PPFIA2: variants seen among roughly 807,000 people sequenced by gnomAD.
The protein encoded by PPFIA2 is liprin-alpha-2.
PPFIA2 carries 46 observed loss-of-function variants against 175.5 expected under a neutral mutation model. That is an observed-to-expected ratio of 0.26 (90% CI 0.21 to 0.34). The LOEUF is 0.34. PPFIA2 is among the 10% of genes least tolerant of loss of function. The pLI is 1.00. For missense variants in PPFIA2, 1,179 were observed against 1,506.1 expected, an observed-to-expected ratio of 0.78 and a Z score of 3.60; for synonymous variants, 568 against 511.4, an observed-to-expected ratio of 1.11 and a Z score of -1.49.
intron 21 of PPFIA2, among the ~76,000 whole-genome samples, chr12:81,337,817 T>C (rs1208760622): frequency 6.6e-6 from 1 of 152,120 alleles, no homozygotes; most frequent in Non-Finnish European, 1.5e-5. Context: ...GATCATTTGG[T>C]CAACCACTAG....
intron 4 of PPFIA2, among the ~76,000 whole-genome samples, chr12:81,557,486 T>C (rs1355322773): frequency 1.3e-5 from 2 of 152,008 alleles, no homozygotes; most frequent in African/African-American, 4.8e-5. Flanking sequence ...GCATATTTTC[T>C]TTCCCATTGA....
At chr12:81,378,714 T>C (rs17008459) in intron 9 of PPFIA2, among the ~76,000 whole-genome samples, 1 of 152,166 alleles carries the variant, frequency 6.6e-6, no homozygotes. Context: ...ATAAACTTCT[T>C]ACTAAATTTT....
chr12:81,284,146 C>G, intron 25 of PPFIA2, 95 bp downstream of exon 25: 1 of 963,232 alleles, frequency 1.0e-6, no homozygotes, highest in Non-Finnish European at 1.6e-6. Flanking sequence ...AAAACACACC[C>G]TATTACTCTG....
chr12:81,744,243 T>C (rs1378784021), intron 3 of PPFIA2, among the ~76,000 whole-genome samples: 1 of 152,138 alleles, frequency 6.6e-6, no homozygotes, highest in Non-Finnish European at 1.5e-5. Flanking sequence ...CTATAAAATA[T>C]GCTCAGTGCA....
At chr12:81,662,524 A>G (rs1020837199) in intron 4 of PPFIA2, among the ~76,000 whole-genome samples, 3 of 152,188 alleles carry the variant, frequency 2.0e-5, no homozygotes, top group African/African-American at 7.2e-5. Context: ...CTCTGAATAG[A>G]CCAATAACAG....
chr12:81,414,965 A>G (rs1033186572), intron 7 of PPFIA2, among the ~76,000 whole-genome samples: 4 of 150,468 alleles, frequency 2.7e-5, no homozygotes, highest in African/African-American at 9.7e-5. Context: ...AAGATTTATA[A>G]GCATCACTGA....
chr12:81,408,443 T>TA (rs1373334249), intron 7 of PPFIA2, among the ~76,000 whole-genome samples: 1 of 152,136 alleles, frequency 6.6e-6, no homozygotes, highest in Admixed American at 6.6e-5. Flanking sequence ...GGGAGACATT[T>TA]AAAAAATATT....
chr12:81,353,259 A>G lies in PPFIA2; in HGVS notation c.1854T>C (p.Thr618=). 1.2e-6 allele frequency: 2 copies of G among 1,613,796 alleles called. No individual in the cohort carries two copies. The highest frequency in any genetic ancestry group is 1.7e-6 in the Non-Finnish European group (2 of 1,179,796). Residue 618 remains threonine (T), a synonymous_variant, in exon 17 of 33, where the codon ACT becomes ACC. Transcript: ENST00000549396. The stretch of plus-strand genomic sequence containing the variant: ...CATCATCATCAATATCAGACATTTC[A>G]GTGTCACTTTCAAAAGGGTGGCTGC... ...VLSSHPFESD[T]EMSDIDDDDR...
intron 2 of PPFIA2, among the ~76,000 whole-genome samples, chr12:81,758,085 T>C (rs2084958892): frequency 6.6e-6 from 1 of 152,172 alleles, no homozygotes; most frequent in Non-Finnish European, 1.5e-5. Flanking sequence ...CCCTAGTGCA[T>C]TTACGGACAG....
chr12:81,306,270 GA>G (rs1296789758), intron 22 of PPFIA2, among the ~76,000 whole-genome samples: 1 of 152,024 alleles, frequency 6.6e-6, no homozygotes, highest in East Asian at 1.9e-4. Context: ...GAGTGGGTGA[GA>G]AAGTGGCTCC....
chr12:81,630,896 TATA>T (rs374591000), intron 4 of PPFIA2, among the ~76,000 whole-genome samples: 32,868 of 99,806 alleles, frequency 0.33, 4,142 homozygotes, highest in Middle Eastern at 0.39. Context: ...TATATATATA[TATA>T]TTTTTTTTTT....
chr12:81,354,823 T>C (rs750515437), intron 16 of PPFIA2, among the ~76,000 whole-genome samples: 26 of 152,176 alleles, frequency 1.7e-4, no homozygotes, highest in Middle Eastern at 3.4e-3. Flanking sequence ...TTTGTACTTT[T>C]AGTAGAGATG....
chr12:81,690,576 G>T (rs1422731042), intron 3 of PPFIA2, among the ~76,000 whole-genome samples: 1 of 152,096 alleles, frequency 6.6e-6, no homozygotes, highest in Admixed American at 6.6e-5. Context: ...ATCTTAAAGT[G>T]CTTGACCTAA....
chr12:81,331,650 TA>T, intron 21 of PPFIA2, among the ~76,000 whole-genome samples: 1 of 152,360 alleles, frequency 6.6e-6, no homozygotes, highest in Non-Finnish European at 1.5e-5. Context: ...GGAAACTTGC[TA>T]AAGTGGCCCT....
At chr12:81,394,876 T>C (rs927545290) in intron 8 of PPFIA2, among the ~76,000 whole-genome samples, 1 of 150,946 alleles carries the variant, frequency 6.6e-6, no homozygotes, top group Non-Finnish European at 1.5e-5. Context: ...ATTCTGAAAA[T>C]ACTTCTTAGC....
At chr12:81,381,007 CAA>C (rs201103099) in intron 9 of PPFIA2, among the ~76,000 whole-genome samples, 4 of 128,140 alleles carry the variant, frequency 3.1e-5, no homozygotes, top group East Asian at 4.3e-4. Context: ...TGTGTGTATA[CAA>C]AAAAAAAAAA....
At chr12:81,552,704 C>T (rs967367237) in intron 4 of PPFIA2, among the ~76,000 whole-genome samples, 1 of 151,938 alleles carries the variant, frequency 6.6e-6, no homozygotes, top group South Asian at 2.1e-4. Context: ...CAACTCAGTT[C>T]AATTAATACT....
intron 3 of PPFIA2, among the ~76,000 whole-genome samples, chr12:81,744,417 TTTC>T (rs1341476075): frequency 1.3e-5 from 2 of 150,908 alleles, no homozygotes; most frequent in Non-Finnish European, 3.0e-5. Flanking sequence ...TGAGAAATGC[TTTC>T]TTTTTTTTTT....
chr12:81,738,634 GA>G (rs1052242962), intron 3 of PPFIA2, among the ~76,000 whole-genome samples: 1 of 150,242 alleles, frequency 6.7e-6, no homozygotes, highest in Non-Finnish European at 1.5e-5. Context: ...GATAACAGAG[GA>G]AAAAAATGCA....
Sources: gnomAD v4.1 joint callset for allele counts (sites outside exome capture counted in the v4.1 genomes callset) on GRCh38, gnomAD v4.1.1 for gene constraint, MANE v1.5 for transcripts, NCBI Gene and HGNC (gene_info 2026-07-23, HGNC 2026-07-21) for gene names.